Variants in SRPRA observed in about 807,000 individuals in gnomAD.
SRPRA encodes signal recognition particle receptor subunit alpha.
A neutral mutation model predicts 61.1 loss-of-function variants in SRPRA; 30 were observed. The ratio of observed to expected loss-of-function variants is 0.49; its 90% CI spans 0.37 to 0.67. The LOEUF is 0.67. Ranked by LOEUF, SRPRA falls within the 30% of genes least tolerant of loss-of-function variation. The pLI, the probability that SRPRA is intolerant of heterozygous loss-of-function variation, is 0.00. For missense variants in SRPRA, 759 were observed against 828.4 expected (o/e 0.92, Z 1.03); for synonymous variants, 324 against 299.7 (o/e 1.08, Z -0.84).
downstream of SRPRA, chr11:126,261,561 A>G (rs1950699665): frequency 7.8e-7 from 1 of 1,277,558 alleles, no homozygotes; most frequent in East Asian, 2.4e-5. Flanking sequence ...GAATATAGAG[A>G]ATGTTACTTT....
the SRPRA span, among the ~76,000 whole-genome samples, chr11:126,236,916 G>A: frequency 1.2e-5 from 1 of 82,450 alleles, no homozygotes; most frequent in South Asian, 4.1e-4. Context: ...TTTCACAGAT[G>A]CTTTTTTTTT....
At position 126,262,959 on chromosome 11, in the gene SRPRA, C is replaced by T. The variant is rs965110933; in HGVS notation, c.*957G>A. On this transcript the variant is annotated 3_prime_UTR_variant, in exon 14 of 14. Coordinates refer to ENST00000332118, the MANE Select transcript of SRPRA (RefSeq NM_003139.4). ...GCAATTTATTTATGAAATTTATTTT[C>T]TTATATAAATTACTTATTTCTCTGG... 6.6e-6 allele frequency: 1 copy of T among 152,602 alleles called. No homozygotes were observed. Among genetic ancestry groups the T allele is most frequent in the African/African-American group, 2.4e-5 (1 of 41,436 alleles). The allele number at this position is 152,602 out of a possible 1,614,324, so 9.5% of individuals were successfully genotyped here. A position where few individuals can be genotyped will look rare whatever the true frequency, so the allele number is the denominator to read the frequency against.
At chr11:126,245,507 G>A in the SRPRA span, among the ~76,000 whole-genome samples, 57 of 152,126 alleles carry the variant, frequency 3.7e-4, no homozygotes, top group Non-Finnish European at 6.0e-4. Flanking sequence ...ACTTTGAAAC[G>A]GAAGTGCTGT....
At chr11:126,262,035 A>G (rs1950711714), downstream of SRPRA, 3 of 1,317,746 alleles carry the variant, frequency 2.3e-6, no homozygotes, top group South Asian at 1.2e-5. Context: ...CTGAAGGGTT[A>G]GGATTGACTT....
chr11:126,257,073 A>C, the SRPRA span, among the ~76,000 whole-genome samples: 3 of 152,248 alleles, frequency 2.0e-5, no homozygotes, highest in African/African-American at 7.2e-5. Flanking sequence ...AGACATAGGA[A>C]GAATGAAGAA....
chr11:126,246,093 A>C, the SRPRA span, among the ~76,000 whole-genome samples: 3 of 152,178 alleles, frequency 2.0e-5, no homozygotes, highest in Admixed American at 6.5e-5. Context: ...TATCCAGAAT[A>C]TATAAAGAAC....
At chr11:126,259,527 G>C (rs1004494000), downstream of SRPRA, among the ~76,000 whole-genome samples, 1 of 150,000 alleles carries the variant, frequency 6.7e-6, no homozygotes, top group Non-Finnish European at 1.5e-5. Flanking sequence ...CTGGGTTCAA[G>C]TGATTCTCCT....
Position 126,268,776 on chromosome 11 carries a change from T to C in SRPRA, c.29A>G (p.Lys10Arg). The C allele has an allele frequency of 1.2e-6, 2 of 1,613,714 alleles. No homozygotes were observed. Among genetic ancestry groups the C allele is most frequent in the Non-Finnish European group, 1.7e-6 (2 of 1,180,012 alleles). MLDFFTIFS[K>R]GGLVLWCFQG... ...GAAGCACCAGAGCACAAGCCCGCCC[T>C]TGGAGAAAATGGTGAAGAAGTCGAG... The change falls in exon 1 of 14, where the codon AAG becomes AGG. Residue 10 changes from lysine to arginine, a missense_variant. Lys to Arg is a conservative substitution (Grantham distance 26, BLOSUM62 2). Transcript: ENST00000332118.
In SRPRA at chr11:126,264,161, G is replaced by A. The variant is rs777375133; in HGVS notation, c.1788+30C>T. ...CAGCCTCAGCTCCTTTGTGCAGGAC[G>A]CCCATTCCAGCCTCCAGTCTCACGT... On this transcript the variant is annotated intron_variant, in intron 13 of 13. Coordinates refer to ENST00000332118, the MANE Select transcript of SRPRA (RefSeq NM_003139.4). The surrounding 1 kb of genome is among the most constrained non-coding windows in gnomAD (Gnocchi z 5.0). 6 of 1,612,126 alleles carry A rather than the reference G, an allele frequency of 3.7e-6. No individual in the cohort carries two copies. Among genetic ancestry groups the A allele is most frequent in the East Asian group, 2.2e-5 (1 of 44,866 alleles).
chr11:126,249,585 G>T, the SRPRA span, among the ~76,000 whole-genome samples: 1 of 152,074 alleles, frequency 6.6e-6, no homozygotes, highest in African/African-American at 2.4e-5. Context: ...ACAAAAATTA[G>T]CTGAGCACAG....
At chr11:126,250,432 T>C in the SRPRA span, 185 of 989,624 alleles carry the variant, frequency 1.9e-4, 2 homozygotes, top group African/African-American at 2.6e-3. The surrounding 1 kb of genome is among the most constrained non-coding windows in gnomAD (Gnocchi z 5.1). Context: ...CCAAAATTTG[T>C]TACTGCTGTA....
Position 126,268,765 on chromosome 11 carries a change from C to T in SRPRA, c.40G>A (p.Val14Met). ...FFTIFSKGGL[V>M]LWCFQGVSDS... ...CTAACGCCCTGGAAGCACCAGAGCACAAGCCCGCCCTTGGAGAAAATGGTG... is the reference window on the plus strand; with the variant it reads ...CTAACGCCCTGGAAGCACCAGAGCATAAGCCCGCCCTTGGAGAAAATGGTG... Residue 14 changes from valine to methionine, a missense_variant, in exon 1 of 14, where the codon GTG becomes ATG. By Grantham distance (21) the Val-to-Met change is conservative. This residue lies in a region of SRPRA where 475 missense variants were observed against 462.5 expected (regional missense o/e 1.03). Coordinates refer to ENST00000332118, the MANE Select transcript of SRPRA (RefSeq NM_003139.4). 6.2e-7 allele frequency: 1 copy of T among 1,613,846 alleles called. No individual in the cohort carries two copies. The highest frequency in any genetic ancestry group is 8.5e-7 in the Non-Finnish European group (1 of 1,180,032).
the SRPRA span, among the ~76,000 whole-genome samples, chr11:126,248,786 G>A: frequency 3.3e-5 from 5 of 152,124 alleles, no homozygotes; most frequent in Non-Finnish European, 7.4e-5. Flanking sequence ...ACTAGGTCTC[G>A]CCTCCCAACA....
chr11:126,252,330 C>T, the SRPRA span, among the ~76,000 whole-genome samples: 1 of 152,276 alleles, frequency 6.6e-6, no homozygotes, highest in East Asian at 1.9e-4. The surrounding 1 kb of genome is among the most constrained non-coding windows in gnomAD (Gnocchi z 4.7). Context: ...ACTGTTTACC[C>T]CATAGGAATA....
chr11:126,258,087 T>C (rs1311120139), downstream of SRPRA, among the ~76,000 whole-genome samples: 1 of 152,332 alleles, frequency 6.6e-6, no homozygotes, highest in Non-Finnish European at 1.5e-5. Context: ...AGTATTTTCA[T>C]TGTCAACCTG....
chr11:126,245,834 TA>T, the SRPRA span, among the ~76,000 whole-genome samples: 1 of 151,788 alleles, frequency 6.6e-6, no homozygotes, highest in South Asian at 2.1e-4. Flanking sequence ...CCATCTCTAA[TA>T]AAAATACATA....
the SRPRA span, chr11:126,241,170 G>A: frequency 9.4e-7 from 1 of 1,066,496 alleles, no homozygotes; most frequent in South Asian, 1.7e-5. Flanking sequence ...CAGCTTGTAG[G>A]TTTCCATAAC....
rs1726923963 is a variant in SRPRA, at chr11:126,263,829, G to A, written c.*87C>T. 1 of 1,556,434 alleles carries A rather than the reference G, an allele frequency of 6.4e-7. No individual in the cohort carries two copies. The highest frequency in any genetic ancestry group is 1.4e-5 in the African/African-American group (1 of 73,502). ...TGCCTTTGTACTACACTGAAGACAG[G>A]TTGCTCACATACTCTAAAGCACATT... On this transcript the variant is annotated 3_prime_UTR_variant, in exon 14 of 14. Transcript: ENST00000332118.
chr11:126,265,984 T>C lies in SRPRA; in HGVS notation c.1030A>G (p.Lys344Glu). 2.5e-6 allele frequency: 4 copies of C among 1,614,214 alleles called. No individual in the cohort carries two copies. Among genetic ancestry groups the C allele is most frequent in the Non-Finnish European group, 3.4e-6 (4 of 1,180,038 alleles). The change falls in exon 8 of 14, where the codon AAG becomes GAG. Residue 344 changes from lysine (K) to glutamate (E), a missense_variant. Transcript: ENST00000332118. This position sits in a 1 kb window ranked among gnomAD's most constrained non-coding sequence, Gnocchi z 6.3. ...SREDMESVLD[K>E]MRDHLIAKNV... ...TTACCAATGAGATGATCACGCATCT[T>C]GTCCAGCACAGATTCCATGTCTTCA...
Sources: allele counts gnomAD v4.1 joint callset (sites outside exome capture counted in the v4.1 genomes callset), GRCh38; gene constraint gnomAD v4.1.1; regional missense constraint gnomAD v4.1.1; non-coding constraint Gnocchi (gnomAD v3.1); transcripts MANE v1.5; gene names NCBI Gene and HGNC (gene_info 2026-07-23, HGNC 2026-07-21).